Variants in PRELID2 observed in about 807,000 individuals in gnomAD.
PRELID2 encodes PRELI domain-containing protein 2.
In PRELID2, 25 loss-of-function variants were observed where a neutral mutation model predicts 28.4. That is an observed-to-expected ratio of 0.88 (90% CI 0.64 to 1.23). PRELID2 has a LOEUF of 1.23. Ranked by LOEUF, PRELID2 falls within the 50% of genes most tolerant of loss-of-function variation. The probability of loss-of-function intolerance (pLI) is 0.00; values close to 1 mark genes in which losing one functional copy is unlikely to be tolerated. For missense variants in PRELID2, 201 were observed against 214.4 expected, an observed-to-expected ratio of 0.94 and a Z score of 0.39; for synonymous variants, 76 against 71.6, an observed-to-expected ratio of 1.06 and a Z score of -0.31.
intron 1 of PRELID2, among the ~76,000 whole-genome samples, chr5:145,693,957 T>G (rs946646933): frequency 6.6e-6 from 1 of 152,178 alleles, no homozygotes; most frequent in Admixed American, 6.5e-5. Flanking sequence ...ATCATGATTA[T>G]GAGCATGGAT....
intron 1 of PRELID2, among the ~76,000 whole-genome samples, chr5:145,487,535 A>G (rs13179505): frequency 0.62 from 94,248 of 151,930 alleles, 30,071 homozygotes; most frequent in East Asian, 1. Context: ...AACTTGAGGA[A>G]GGGTTGGCTG....
chr5:145,712,247 TAACA>T (rs1755715124), intron 1 of PRELID2, among the ~76,000 whole-genome samples: 1 of 152,244 alleles, frequency 6.6e-6, no homozygotes, highest in South Asian at 2.1e-4. Flanking sequence ...TTTTAAAAGG[TAACA>T]AACACTTAAA....
intron 5 of PRELID2, among the ~76,000 whole-genome samples, chr5:145,771,977 C>T (rs1758136399): frequency 6.6e-6 from 1 of 152,178 alleles, no homozygotes; most frequent in Non-Finnish European, 1.5e-5. Flanking sequence ...TAAGAGAATA[C>T]TGCATGACAC....
intron 1 of PRELID2, among the ~76,000 whole-genome samples, chr5:145,612,794 T>C (rs1339544923): frequency 6.6e-6 from 1 of 152,240 alleles, no homozygotes; most frequent in Admixed American, 6.5e-5. Context: ...TTGATTCATT[T>C]CTTTTTATGG....
At chr5:145,547,185 T>C (rs1488677938) in intron 1 of PRELID2, among the ~76,000 whole-genome samples, 1 of 152,222 alleles carries the variant, frequency 6.6e-6, no homozygotes, top group Non-Finnish European at 1.5e-5. Context: ...ATTGCTTGAT[T>C]GGAGTCAAAC....
downstream of PRELID2, among the ~76,000 whole-genome samples, chr5:145,755,581 A>G (rs1336610465): frequency 1.3e-5 from 2 of 152,242 alleles, no homozygotes; most frequent in East Asian, 3.8e-4. Context: ...TCAGTTCTTT[A>G]GGGATGGACT....
chr5:145,791,658 C>T (rs530933536), intron 5 of PRELID2, among the ~76,000 whole-genome samples: 44 of 152,200 alleles, frequency 2.9e-4, no homozygotes, highest in South Asian at 1.7e-3. Flanking sequence ...ATGATGGTGA[C>T]GGCTGCACAA....
intron 1 of PRELID2, among the ~76,000 whole-genome samples, chr5:145,702,021 AG>A: frequency 6.6e-6 from 1 of 152,216 alleles, no homozygotes; most frequent in East Asian, 1.9e-4. Flanking sequence ...ATTGCACTCC[AG>A]TCTGGGCAAT....
At chr5:145,503,925 C>T (rs936381649) in intron 1 of PRELID2, among the ~76,000 whole-genome samples, 1 of 152,150 alleles carries the variant, frequency 6.6e-6, no homozygotes, top group African/African-American at 2.4e-5. Flanking sequence ...AACCTCACAG[C>T]ACATTGTGAA....
At chr5:145,803,486 A>C (rs189844572) in intron 4 of PRELID2, among the ~76,000 whole-genome samples, 1 of 152,234 alleles carries the variant, frequency 6.6e-6, no homozygotes, top group Admixed American at 6.5e-5. Context: ...GACCATTTAC[A>C]TTCACATCTT....
chr5:145,656,782 T>A (rs1754404114), intron 1 of PRELID2, among the ~76,000 whole-genome samples: 1 of 148,556 alleles, frequency 6.7e-6, no homozygotes, highest in Non-Finnish European at 1.5e-5. Context: ...GGGATAGCAT[T>A]AGGAGATATA....
At chr5:145,432,421 T>A in the PRELID2 span, among the ~76,000 whole-genome samples, 1 of 106,472 alleles carries the variant, frequency 9.4e-6, no homozygotes, top group South Asian at 3.0e-4. Context: ...GCAAATAAGC[T>A]CAAGTTGTTA....
chr5:145,260,028 G>A, the PRELID2 span, among the ~76,000 whole-genome samples: 1 of 152,072 alleles, frequency 6.6e-6, no homozygotes, highest in African/African-American at 2.4e-5. Context: ...GAATTCTTGT[G>A]AGATCTGGTC....
At chr5:145,436,988 T>C in the PRELID2 span, 1 of 152,214 alleles carries the variant, frequency 6.6e-6, no homozygotes, top group Non-Finnish European at 1.5e-5. Flanking sequence ...TTCTTCTCTT[T>C]TACTATTAGC....
At chr5:145,620,212 A>G (rs73311572) in intron 1 of PRELID2, among the ~76,000 whole-genome samples, 6,899 of 152,300 alleles carry the variant, frequency 0.045, 492 homozygotes, top group African/African-American at 0.15. Context: ...GCTGAACAAC[A>G]TAAATTAAAG....
intron 1 of PRELID2, among the ~76,000 whole-genome samples, chr5:145,656,341 T>C (rs1247999265): frequency 2.6e-5 from 4 of 152,160 alleles, no homozygotes; most frequent in Non-Finnish European, 4.4e-5. Flanking sequence ...GAAGACAGTG[T>C]GGCAATTCCT....
the PRELID2 span, among the ~76,000 whole-genome samples, chr5:145,383,700 A>G: frequency 1.3e-5 from 2 of 151,476 alleles, no homozygotes; most frequent in African/African-American, 4.8e-5. Flanking sequence ...CCTACAAGTT[A>G]AAGTTAAGTG....
the PRELID2 span, among the ~76,000 whole-genome samples, chr5:145,422,518 G>T: frequency 6.6e-6 from 1 of 151,926 alleles, no homozygotes; most frequent in Admixed American, 6.6e-5. Context: ...GATCTTTGTT[G>T]GTTTAAAGTC....
At chr5:145,512,012 G>A (rs1228214794) in intron 1 of PRELID2, among the ~76,000 whole-genome samples, 1 of 152,196 alleles carries the variant, frequency 6.6e-6, no homozygotes, top group Non-Finnish European at 1.5e-5. Flanking sequence ...GGCAAATCTT[G>A]TAGACTGATT....
Sources: gnomAD v4.1 joint callset for allele counts (sites outside exome capture counted in the v4.1 genomes callset) on GRCh38, gnomAD v4.1.1 for gene constraint, MANE v1.5 for transcripts, NCBI Gene and HGNC (gene_info 2026-07-23, HGNC 2026-07-21) for gene names.